TEX15: variants seen among roughly 807,000 people sequenced by gnomAD.
TEX15 encodes the protein testis expressed 15, meiosis and synapsis associated.
A neutral mutation model predicts 237.3 loss-of-function variants in TEX15; 171 were observed. That is an observed-to-expected ratio of 0.72 (90% confidence interval 0.64 to 0.82). The LOEUF is 0.82. Ranked by LOEUF, TEX15 falls within the 40% of genes least tolerant of loss-of-function variation. The pLI is 0.00. For synonymous variants in TEX15, 1,338 were observed against 1,269.8 expected, an observed-to-expected ratio of 1.05 and a Z score of -1.14; for missense variants, 3,750 against 3,646.5, an observed-to-expected ratio of 1.03 and a Z score of -0.73.
intron 1 of TEX15, among the ~76,000 whole-genome samples, chr8:30,901,617 A>G (rs1809007967): frequency 6.6e-6 from 1 of 152,218 alleles, no homozygotes; most frequent in Non-Finnish European, 1.5e-5. Context: ...TAAGCAACGT[A>G]TGTTTGAGTA....
chr8:30,888,684 GTTCCAACA>G (rs1563272233), intron 2 of TEX15: 1 of 1,283,456 alleles, frequency 7.8e-7, no homozygotes, highest in Non-Finnish European at 1.0e-6. Flanking sequence ...CAACTGCTTA[GTTCCAACA>G]TTAGATCACA....
At chr8:30,895,537 G>A (rs1808884033) in intron 2 of TEX15, among the ~76,000 whole-genome samples, 1 of 151,274 alleles carries the variant, frequency 6.6e-6, no homozygotes, top group South Asian at 2.1e-4. Flanking sequence ...TAAGGCATGA[G>A]TATCTGGTTA....
chr8:30,868,946 TAAC>T (rs1247258515), intron 4 of TEX15, among the ~76,000 whole-genome samples: 1 of 150,386 alleles, frequency 6.6e-6, no homozygotes, highest in Non-Finnish European at 1.5e-5. Flanking sequence ...GAAACAAATA[TAAC>T]AATAAAAATC....
At chr8:30,850,403 T>C (rs2128768723) in intron 7 of TEX15, among the ~76,000 whole-genome samples, 1 of 152,300 alleles carries the variant, frequency 6.6e-6, no homozygotes, top group Middle Eastern at 3.4e-3. Flanking sequence ...ACCCTAAAAA[T>C]ACCTTTCCTA....
rs1178161310 is a variant in TEX15, at chr8:30,843,322, T to C, written c.6845A>G (p.Glu2282Gly). 3 of 1,611,958 alleles carry C rather than the reference T, an allele frequency of 1.9e-6. No individual in the cohort carries two copies. In the South Asian group the frequency reaches 3.3e-5, roughly 18 times the overall value. Residue 2282 changes from glutamate (E) to glycine (G), a missense_variant, in exon 8 of 11, where the codon GAG becomes GGG. Glu to Gly is a moderately conservative substitution (Grantham distance 98, BLOSUM62 -2). Coordinates refer to ENST00000643185, the MANE Select transcript of TEX15 (RefSeq NM_001350162.2). The stretch of plus-strand genomic sequence containing the variant: ...TTTTTTGCTGAAGGATTGTGTTCTC[T>C]CTTTCCAAACAAGATTTTTTGCAGC... ...FDAAKNLVWK[E>G]RTQSFSKKYS... is the part of the protein sequence containing the mutation.
rs34079195 is a variant in TEX15 at position 30,905,734 on chromosome 8, C to CAAAA, written c.-85-6921_-85-6918dup. On this transcript the variant is annotated intron_variant, in intron 1 of 10. Coordinates refer to ENST00000643185, the MANE Select transcript of TEX15 (RefSeq NM_001350162.2). ...CGAAAACCTGTCTTTACAAAAAATA[C>CAAAA]AAAAAAAAAAAAAAAAAAAAAAAAG... Among the ~76,000 whole-genome samples the CAAAA allele has an allele frequency of 1.2e-3, 63 of 50,968 alleles. 1 individual carries two copies. The highest frequency in any genetic ancestry group is 3.5e-3 in the African/African-American group (45 of 12,692). 33.4% of individuals were successfully genotyped at this position (50,968 alleles called of 152,430 possible).
Position 30,847,855 on chromosome 8 carries a change from A to G in TEX15, c.2312T>C (p.Ile771Thr). ...AATGAACATTTCTTTGGCCTGGGGT[A>G]TGTCTTTTGGTTTCGGGAAAGCTTC... ...ITEAFPKPKD[I>T]PQAKEMFIDT... Residue 771 changes from isoleucine to threonine, a missense_variant, in exon 8 of 11, where the codon ATA becomes ACA. Ile to Thr is a moderately conservative substitution (Grantham distance 89). Transcript: ENST00000643185. 1 of 1,613,878 alleles carries G rather than the reference A, an allele frequency of 6.2e-7. No individual in the cohort carries two copies. Among genetic ancestry groups the G allele is most frequent in the Middle Eastern group, 1.7e-4 (1 of 6,060 alleles).
chr8:30,909,599 T>G (rs1809177934), intron 1 of TEX15, among the ~76,000 whole-genome samples: 1 of 152,182 alleles, frequency 6.6e-6, no homozygotes, highest in Non-Finnish European at 1.5e-5. Flanking sequence ...TTTCTGAACT[T>G]TGCTTAGTTT....
rs1457929479 is a variant in TEX15 at position 30,837,116 on chromosome 8, G to A, written c.9168C>T (p.Ala3056=). The A allele has an allele frequency of 6.2e-7, 1 of 1,614,114 alleles. No individual in the cohort carries two copies. The highest frequency in any genetic ancestry group is 1.3e-5 in the African/African-American group (1 of 75,044). The change falls in exon 10 of 11, where the codon GCC becomes GCT. Residue 3056 remains alanine (A), a synonymous_variant. Transcript: ENST00000643185. ...VYQYSNSNGN[A]ITQTYQGITS... ...TTATCCCTTGGTATGTCTGGGTAAT[G>A]GCATTGCCATTGCTGTTGCTGTACT...
rs193031941 is a variant in TEX15 at position 30,867,519 on chromosome 8, A to G, written c.303-17T>C. 9.9e-4 allele frequency: 1,412 copies of G among 1,420,432 alleles called. 3 individuals are homozygous for G. Among genetic ancestry groups the G allele is most frequent in the Middle Eastern group, 5.0e-3 (29 of 5,754 alleles). 88.0% of individuals were successfully genotyped at this position (1,420,432 alleles called of 1,614,324 possible). A position where few individuals can be genotyped will look rare whatever the true frequency, so the allele number is the denominator to read the frequency against. ...ATCTCTGACCTAAAGTAAAACAAACAATGTATACAGTTAAAGATAAATATC... is the reference window on the plus strand; with the variant it reads ...ATCTCTGACCTAAAGTAAAACAAACGATGTATACAGTTAAAGATAAATATC... On this transcript the variant is annotated splice_polypyrimidine_tract_variant and intron_variant, in intron 4 of 10. Transcript: ENST00000643185.
At chr8:30,880,135 T>A (rs2128774441) in intron 3 of TEX15, among the ~76,000 whole-genome samples, 1 of 152,208 alleles carries the variant, frequency 6.6e-6, no homozygotes. Flanking sequence ...TTCAAGGGAT[T>A]CTCATGACTC....
In TEX15 at chr8:30,849,226, G is replaced by T. The variant is rs1459360418; in HGVS notation, c.941C>A (p.Pro314His). 3 of 1,536,082 alleles carry T rather than the reference G, an allele frequency of 2.0e-6. No homozygotes were observed. Among genetic ancestry groups the T allele is most frequent in the Non-Finnish European group, 2.6e-6 (3 of 1,146,876 alleles). ...ATVTFVHFKK[P>H]VDPFVQENCL... ...GTTTTCTTGAACAAATGGATCTACA[G>T]GTTTCTTGAAATGCACAAAGGTGAC... The change falls in exon 8 of 11, where the codon CCT becomes CAT. Residue 314 changes from proline (P) to histidine (H), a missense_variant. Pro to His is a moderately conservative substitution (Grantham distance 77). Coordinates refer to ENST00000643185, the MANE Select transcript of TEX15 (RefSeq NM_001350162.2).
In TEX15 at chr8:30,848,967, C is replaced by T. The variant is rs1195085623; in HGVS notation, c.1200G>A (p.Trp400Ter). 7 of 1,613,970 alleles carry T rather than the reference C, an allele frequency of 4.3e-6. No homozygotes were observed. Among genetic ancestry groups the T allele is most frequent in the Non-Finnish European group, 5.9e-6 (7 of 1,180,010 alleles). ...DSVNGDLLLN[W>*]TSLKNILSGL... is the part of the protein sequence containing the mutation. The stretch of plus-strand genomic sequence containing the variant: ...CACTTAAAATATTTTTAAGACTTGT[C>T]CAATTTAACAAAAGGTCACCATTAA... Residue 400 changes from tryptophan to a stop codon, truncating the protein, a stop_gained, in exon 8 of 11, where the codon TGG (tryptophan) becomes TGA (stop). Coordinates refer to ENST00000643185, the MANE Select transcript of TEX15 (RefSeq NM_001350162.2). LOFTEE classifies it high-confidence loss of function.
At chr8:30,883,258 T>G (rs1025901391) in intron 3 of TEX15, among the ~76,000 whole-genome samples, 3 of 152,108 alleles carry the variant, frequency 2.0e-5, no homozygotes, top group African/African-American at 4.8e-5. Flanking sequence ...ATTTAGACGG[T>G]TTAAGTGTAG....
chr8:30,906,800 G>T (rs368425150), intron 1 of TEX15, among the ~76,000 whole-genome samples: 1 of 152,010 alleles, frequency 6.6e-6, no homozygotes, highest in South Asian at 2.1e-4. Flanking sequence ...CCCATTTTAC[G>T]TATGAAAATT....
rs1807667379 is a variant in TEX15 at position 30,848,102 on chromosome 8, C to T, written c.2065G>A (p.Glu689Lys). The T allele has an allele frequency of 6.2e-7, 1 of 1,610,148 alleles. No homozygotes were observed. Among genetic ancestry groups the T allele is most frequent in the African/African-American group, 1.3e-5 (1 of 74,782 alleles). The change falls in exon 8 of 11, where the codon GAA (glutamate) becomes AAA (lysine). Residue 689 changes from glutamate to lysine, a missense_variant. Coordinates refer to ENST00000643185, the MANE Select transcript of TEX15 (RefSeq NM_001350162.2). ...CDKILITQEL[E>K]ITKSSTSTIK... ...GTAGATGTAGAAGATTTTGTTATTT[C>T]TAACTCTTGAGTAATTAATATTTTA... is the stretch of plus-strand genomic sequence containing the variant.
At chr8:30,834,073 C>G (rs937556405) in intron 10 of TEX15, among the ~76,000 whole-genome samples, 6 of 152,156 alleles carry the variant, frequency 3.9e-5, no homozygotes. Context: ...TTTGTCCCAT[C>G]TACTATGCTT....
In TEX15 at chr8:30,837,008, C is replaced by T. The variant is rs766252128; in HGVS notation, c.9276G>A (p.Leu3092=). The T allele has an allele frequency of 5.0e-6, 8 of 1,614,078 alleles. No homozygotes were observed. The South Asian group carries it at 8.8e-5, about 18-fold the overall frequency. The change falls in exon 10 of 11, where the codon CTG becomes CTA. Residue 3092 remains leucine, a synonymous_variant. Coordinates refer to ENST00000643185, the MANE Select transcript of TEX15 (RefSeq NM_001350162.2). ...STAQGTHSNL[L]YSQYFTYFAG... ...CAAAATAAGTAAAATATTGAGAGTACAGAAGATTAGAATGTGTGCCCTGGG... is the reference window on the plus strand; with the variant it reads ...CAAAATAAGTAAAATATTGAGAGTATAGAAGATTAGAATGTGTGCCCTGGG...
In TEX15 at chr8:30,838,010, A is replaced by T. The variant is rs941235660; in HGVS notation, c.8274T>A (p.Cys2758Ter). The T allele has an allele frequency of 1.2e-6, 2 of 1,614,004 alleles. No individual in the cohort carries two copies. Residue 2758 changes from cysteine to a stop codon, truncating the protein, a stop_gained, in exon 10 of 11, where the codon TGT (cysteine) becomes TGA (stop). Coordinates refer to ENST00000643185, the MANE Select transcript of TEX15 (RefSeq NM_001350162.2). LOFTEE classifies it high-confidence loss of function. ...TTAAATGATTTCTTTTCAGACTGTC[A>T]CATGAACTTGGTACTATTTTGTTTT... ...KSENKIVPSSCDSLKRNHLTP... is the reference protein window; with the variant it reads ...KSENKIVPSS
Sources: gnomAD v4.1 joint callset for allele counts (sites outside exome capture counted in the v4.1 genomes callset) on GRCh38, gnomAD v4.1.1 for gene constraint, MANE v1.5 for transcripts, NCBI Gene and HGNC (gene_info 2026-07-23, HGNC 2026-07-21) for gene names.